XIRP2: variants seen among roughly 807,000 people sequenced by gnomAD.
XIRP2 encodes xin actin-binding repeat-containing protein 2.
Under a neutral mutation model 277.0 loss-of-function variants are expected in XIRP2, and 236 were observed. That is an observed-to-expected ratio of 0.85 (90% CI 0.77 to 0.95). XIRP2 has a LOEUF of 0.95. XIRP2 is among the 40% of genes least tolerant of loss of function. The pLI, the probability that XIRP2 is intolerant of heterozygous loss-of-function variation, is 0.00. For missense variants in XIRP2, 4,640 were observed against 4,157.5 expected (o/e 1.12, Z -3.19); for synonymous variants, 1,490 against 1,416.5 (o/e 1.05, Z -1.17).
intron 2 of XIRP2, among the ~76,000 whole-genome samples, chr2:167,134,582 C>T (rs560475036): frequency 1.5e-4 from 23 of 152,116 alleles, no homozygotes; most frequent in East Asian, 3.9e-4. Flanking sequence ...TACAATAGTG[C>T]CTTCTTATCC....
chr2:167,165,741 C>A (rs763494981), intron 3 of XIRP2, among the ~76,000 whole-genome samples: 2 of 152,010 alleles, frequency 1.3e-5, no homozygotes, highest in African/African-American at 4.8e-5. Context: ...GATAACAGTC[C>A]CTTATCAGAT....
chr2:167,188,279 A>T (rs1210791836), intron 3 of XIRP2, among the ~76,000 whole-genome samples: 1 of 152,138 alleles, frequency 6.6e-6, no homozygotes, highest in Non-Finnish European at 1.5e-5. Context: ...CGGGCCTTAA[A>T]TGTTTAGATG....
rs191696542 is a variant in XIRP2, at chr2:166,933,289, C to T, written c.408+29399C>T. Among the ~76,000 whole-genome samples, 159 of 151,836 alleles carry T rather than the reference C, an allele frequency of 1.0e-3. 1 individual carries two copies. Among genetic ancestry groups the T allele is most frequent in the Non-Finnish European group, 1.7e-3 (118 of 67,960 alleles). ...TCAGCCTCCCGAGTAGCTGGGACTA[C>T]AGGGGCCCACCACCATGCCTGGCTA... On this transcript the variant is annotated intron_variant, in intron 2 of 10. Coordinates refer to ENST00000409195, the MANE Select transcript of XIRP2 (RefSeq NM_152381.6).
intron 3 of XIRP2, among the ~76,000 whole-genome samples, chr2:167,147,871 A>G (rs765398180): frequency 1.3e-5 from 2 of 152,170 alleles, no homozygotes; most frequent in Non-Finnish European, 2.9e-5. Flanking sequence ...TGGAACTAAA[A>G]TATCAAATAA....
In XIRP2 at chr2:167,243,186, T is replaced by C; in HGVS notation, c.1794T>C (p.Asp598=). 6.2e-7 allele frequency: 1 copy of C among 1,614,146 alleles called. No individual in the cohort carries two copies. The highest frequency in any genetic ancestry group is 8.5e-7 in the Non-Finnish European group (1 of 1,179,998). ...SINNGSPDEG[D]ISRGIADQEI... Reference sequence around the variant, plus strand: ...ACAATGGCTCTCCTGATGAAGGTGATATTTCCAGGGGCATTGCTGATCAAG... The same window carrying C: ...ACAATGGCTCTCCTGATGAAGGTGACATTTCCAGGGGCATTGCTGATCAAG... The change falls in exon 9 of 11, where the codon GAT becomes GAC. Residue 598 remains aspartate, a synonymous_variant. Coordinates refer to ENST00000409195, the MANE Select transcript of XIRP2 (RefSeq NM_152381.6).
intron 2 of XIRP2, among the ~76,000 whole-genome samples, chr2:167,016,911 A>G (rs1687842098): frequency 6.6e-6 from 1 of 151,984 alleles, no homozygotes. Flanking sequence ...TAGTTCTTAT[A>G]TCATGCTTTT....
At chr2:167,209,855 C>T (rs1440077614) in intron 3 of XIRP2, among the ~76,000 whole-genome samples, 2 of 152,018 alleles carry the variant, frequency 1.3e-5, no homozygotes, top group Non-Finnish European at 2.9e-5. Flanking sequence ...CATAAGGAAA[C>T]ATTCAGGCAT....
chr2:167,237,276 A>G (rs919743975), intron 5 of XIRP2, among the ~76,000 whole-genome samples: 2 of 152,204 alleles, frequency 1.3e-5, no homozygotes, highest in African/African-American at 4.8e-5. Flanking sequence ...AATAACTTTT[A>G]AAATATGTGT....
At chr2:167,132,758 G>A (rs555218428) in intron 2 of XIRP2, among the ~76,000 whole-genome samples, 2 of 152,040 alleles carry the variant, frequency 1.3e-5, no homozygotes, top group Non-Finnish European at 1.5e-5. Flanking sequence ...AGCTCTTCAC[G>A]TAGTTAAGCC....
Position 167,254,165 on chromosome 2 carries a change from G to C in XIRP2, c.*39G>C. The C allele has an allele frequency of 1.2e-6, 2 of 1,607,748 alleles. No homozygotes were observed. The highest frequency in any genetic ancestry group is 1.7e-6 in the Non-Finnish European group (2 of 1,176,940). ...TGCCACCATTGCAACAGTAAACTAA[G>C]GTAAAATGTTTAATTGTCTTTGCCA... On this transcript the variant is annotated splice_region_variant and 3_prime_UTR_variant, in exon 10 of 11. Coordinates refer to ENST00000409195, the MANE Select transcript of XIRP2 (RefSeq NM_152381.6).
chr2:167,010,847 T>G (rs1250669606), intron 2 of XIRP2, among the ~76,000 whole-genome samples: 1 of 152,056 alleles, frequency 6.6e-6, no homozygotes, highest in Non-Finnish European at 1.5e-5. Context: ...GAATGGGAGT[T>G]CACTCATGAT....
At chr2:167,010,768 C>T (rs1173113454) in intron 2 of XIRP2, among the ~76,000 whole-genome samples, 1 of 152,004 alleles carries the variant, frequency 6.6e-6, no homozygotes, top group South Asian at 2.1e-4. Flanking sequence ...TGTAGTTCTC[C>T]TTCAAGAGGT....
At chr2:166,997,766 A>T (rs781338728) in intron 2 of XIRP2, among the ~76,000 whole-genome samples, 4 of 152,018 alleles carry the variant, frequency 2.6e-5, no homozygotes, top group African/African-American at 4.8e-5. Context: ...TTAGCCAAGC[A>T]TGGTGGCGGG....
intron 2 of XIRP2, among the ~76,000 whole-genome samples, chr2:166,987,355 A>G (rs1056520226): frequency 1.3e-5 from 2 of 152,198 alleles, no homozygotes; most frequent in African/African-American, 2.4e-5. Flanking sequence ...GGAGAAGGCA[A>G]TAACAGGATA....
At chr2:167,084,753 T>C (rs1415171026) in intron 2 of XIRP2, among the ~76,000 whole-genome samples, 2 of 150,518 alleles carry the variant, frequency 1.3e-5, no homozygotes, top group Admixed American at 6.6e-5. Context: ...TATTCTCTGA[T>C]GGTAGTTTGT....
At chr2:167,023,922 T>C (rs1688063653) in intron 2 of XIRP2, among the ~76,000 whole-genome samples, 1 of 152,178 alleles carries the variant, frequency 6.6e-6, no homozygotes, top group Non-Finnish European at 1.5e-5. Flanking sequence ...TGGCTTAGGA[T>C]TGACTTGGTG....
In XIRP2 at chr2:167,245,443, A is replaced by G; in HGVS notation, c.4051A>G (p.Arg1351Gly). The change falls in exon 9 of 11, where the codon AGG (arginine) becomes GGG (glycine). Residue 1351 changes from arginine to glycine, a missense_variant. Arg to Gly is a moderately radical substitution (Grantham distance 125). Coordinates refer to ENST00000409195, the MANE Select transcript of XIRP2 (RefSeq NM_152381.6). ...EVIHGDVRGT[R>G]WLFETKPLDS... The stretch of plus-strand genomic sequence containing the variant: ...AATTCATGGAGATGTGCGAGGAACA[A>G]GGTGGCTTTTTGAAACAAAGCCATT... 6.2e-7 allele frequency: 1 copy of G among 1,613,720 alleles called. No homozygotes were observed. The highest frequency in any genetic ancestry group is 8.5e-7 in the Non-Finnish European group (1 of 1,179,744).
At chr2:166,940,984 G>T (rs1424708184) in intron 2 of XIRP2, among the ~76,000 whole-genome samples, 1 of 152,158 alleles carries the variant, frequency 6.6e-6, no homozygotes, top group Non-Finnish European at 1.5e-5. Context: ...CTCAGACAGA[G>T]ACATTTAAGT....
chr2:167,144,176 C>A (rs547174012), intron 3 of XIRP2, among the ~76,000 whole-genome samples: 87 of 152,060 alleles, frequency 5.7e-4, no homozygotes, highest in African/African-American at 2.0e-3. Flanking sequence ...TGTGAAAACA[C>A]AGATAATAAT....
Sources: allele counts gnomAD v4.1 joint callset (sites outside exome capture counted in the v4.1 genomes callset), GRCh38; gene constraint gnomAD v4.1.1; transcripts MANE v1.5; gene names NCBI Gene and HGNC (gene_info 2026-07-23, HGNC 2026-07-21).